The following EPHA6 variants were observed in gnomAD, a reference collection of about 807,000 sequenced individuals.
EPHA6 encodes EPH receptor A6, also known as ephrin type-A receptor 6.
In EPHA6, 50 loss-of-function variants were observed where a neutral mutation model predicts 112.0. That is an observed-to-expected ratio of 0.45 (90% confidence interval 0.36 to 0.56). The LOEUF is 0.56. Ranked by LOEUF, EPHA6 falls within the 20% of genes least tolerant of loss-of-function variation. The pLI, the probability that EPHA6 is intolerant of heterozygous loss-of-function variation, is 0.00. For missense variants in EPHA6, 1,280 were observed against 1,417.4 expected (o/e 0.90, Z 1.56); for synonymous variants, 529 against 490.7 (o/e 1.08, Z -1.03).
At chr3:97,329,028 C>T (rs1352324459) in intron 5 of EPHA6, among the ~76,000 whole-genome samples, 1 of 151,964 alleles carries the variant, frequency 6.6e-6, no homozygotes, top group Non-Finnish European at 1.5e-5. Flanking sequence ...CATGTGTTCT[C>T]ATTGTTCAAC....
At chr3:97,052,986 G>A (rs1285017347) in intron 3 of EPHA6, among the ~76,000 whole-genome samples, 1 of 151,954 alleles carries the variant, frequency 6.6e-6, no homozygotes, top group African/African-American at 2.4e-5. Flanking sequence ...AAGAGGTGAG[G>A]TATATATAAA....
intron 2 of EPHA6, among the ~76,000 whole-genome samples, chr3:96,941,574 G>A (rs1221530469): frequency 6.6e-5 from 10 of 152,048 alleles, no homozygotes; most frequent in South Asian, 2.1e-4. Context: ...TAGTTTGATC[G>A]TCTGAAGCCT....
At chr3:96,926,969 A>G (rs901788885) in intron 2 of EPHA6, among the ~76,000 whole-genome samples, 1 of 152,178 alleles carries the variant, frequency 6.6e-6, no homozygotes, top group Non-Finnish European at 1.5e-5. Context: ...ACATTTTCCT[A>G]CTGTACTACC....
intron 13 of EPHA6, among the ~76,000 whole-genome samples, chr3:97,616,257 A>T (rs1375257485): frequency 2.6e-5 from 4 of 152,170 alleles, no homozygotes; most frequent in Admixed American, 2.6e-4. Context: ...TAAAAGGAAA[A>T]AAATAAATAA....
intron 4 of EPHA6, among the ~76,000 whole-genome samples, chr3:97,228,829 A>C (rs191238644): frequency 1.2e-4 from 19 of 152,268 alleles, no homozygotes; most frequent in Non-Finnish European, 1.6e-4. Context: ...ACTGGTTTAC[A>C]TTCCCACCAG....
chr3:97,453,505 G>GTA (rs1294300133), intron 7 of EPHA6, among the ~76,000 whole-genome samples: 1 of 151,608 alleles, frequency 6.6e-6, no homozygotes, highest in Non-Finnish European at 1.5e-5. Context: ...ATTTTAAAAT[G>GTA]TATTATTTAC....
intron 2 of EPHA6, among the ~76,000 whole-genome samples, chr3:96,952,619 C>G (rs560521656): frequency 1.8e-4 from 27 of 152,148 alleles, no homozygotes; most frequent in Non-Finnish European, 3.1e-4. Flanking sequence ...TATCCTGTCT[C>G]AATATTGTTA....
intron 6 of EPHA6, among the ~76,000 whole-genome samples, chr3:97,421,217 A>G (rs750980485): frequency 2.0e-5 from 3 of 152,126 alleles, no homozygotes; most frequent in Non-Finnish European, 2.9e-5. Context: ...AAATAAAAGC[A>G]TATATGTTGT....
chr3:97,294,789 G>A (rs1456819075), intron 5 of EPHA6, among the ~76,000 whole-genome samples: 4 of 152,140 alleles, frequency 2.6e-5, no homozygotes, highest in Non-Finnish European at 1.5e-5. Context: ...GGTTGGTCTA[G>A]TAGTAGTGAA....
chr3:96,968,405 C>A (rs2042202078), intron 2 of EPHA6, among the ~76,000 whole-genome samples: 1 of 151,590 alleles, frequency 6.6e-6, no homozygotes, highest in Non-Finnish European at 1.5e-5. Context: ...CACACACACA[C>A]ACACACACAC....
intron 11 of EPHA6, among the ~76,000 whole-genome samples, chr3:97,562,862 C>A (rs943957220): frequency 3.3e-5 from 5 of 152,148 alleles, no homozygotes; most frequent in Admixed American, 2.0e-4. Context: ...ATCAAGGCAA[C>A]ACCCTCCACC....
chr3:96,879,132 AAAG>A (rs1350076901), intron 2 of EPHA6, among the ~76,000 whole-genome samples: 6 of 152,214 alleles, frequency 3.9e-5, no homozygotes, highest in African/African-American at 1.2e-4. Flanking sequence ...GAAAATCTTA[AAAG>A]AAGATAAAAC....
intron 1 of EPHA6, among the ~76,000 whole-genome samples, chr3:96,836,123 TTTCA>T (rs1376570624): frequency 1.1e-4 from 16 of 152,208 alleles, no homozygotes; most frequent in Non-Finnish European, 1.9e-4. Context: ...CTGTGAATTT[TTTCA>T]TAAACAGTAT....
rs560967946 is a variant in EPHA6 at position 96,873,308 on chromosome 3, C to A, written c.450+6419C>A. 3.9e-3 allele frequency among the ~76,000 whole-genome samples: 590 copies of A among 152,006 alleles called. 2 individuals are homozygous for A. Among genetic ancestry groups the A allele is most frequent in the Non-Finnish European group, 6.0e-3 (407 of 67,942 alleles). ...TGATTCTGTGTATCCACCAGTCCAT[C>A]TCTCCAATTCTGGGGCAGTGCTTTA... On this transcript the variant is annotated intron_variant, in intron 2 of 17. Coordinates refer to ENST00000389672, the MANE Select transcript of EPHA6 (RefSeq NM_001080448.3).
chr3:96,893,799 G>C (rs923241389), intron 2 of EPHA6, among the ~76,000 whole-genome samples: 1 of 152,134 alleles, frequency 6.6e-6, no homozygotes, highest in African/African-American at 2.4e-5. Flanking sequence ...TGAAAGCAAA[G>C]GTTTGACCTG....
chr3:97,178,734 T>C (rs2076903712), intron 3 of EPHA6, among the ~76,000 whole-genome samples: 1 of 152,150 alleles, frequency 6.6e-6, no homozygotes, highest in African/African-American at 2.4e-5. Flanking sequence ...AGCTCCATTG[T>C]ATGTTATTCG....
chr3:97,443,168 T>C (rs2107289431), intron 6 of EPHA6, among the ~76,000 whole-genome samples: 1 of 152,100 alleles, frequency 6.6e-6, no homozygotes, highest in East Asian at 1.9e-4. Flanking sequence ...TGTACATTTG[T>C]GAGTGTGACA....
chr3:96,968,886 G>A (rs77231013), intron 2 of EPHA6, among the ~76,000 whole-genome samples: 5 of 151,872 alleles, frequency 3.3e-5, no homozygotes, highest in Non-Finnish European at 2.9e-5. Flanking sequence ...TGAAATAGTA[G>A]GGTAAGTTTA....
chr3:97,455,923 C>G (rs2090669271), intron 7 of EPHA6, among the ~76,000 whole-genome samples: 1 of 151,676 alleles, frequency 6.6e-6, no homozygotes, highest in African/African-American at 2.4e-5. Context: ...GGGAACCAGG[C>G]TTATGTACCA....
Sources: allele counts gnomAD v4.1 joint callset (sites outside exome capture counted in the v4.1 genomes callset), GRCh38; gene constraint gnomAD v4.1.1; transcripts MANE v1.5; gene names NCBI Gene and HGNC (gene_info 2026-07-23, HGNC 2026-07-21).